TPTE: variants seen among roughly 807,000 people sequenced by gnomAD.
TPTE encodes transmembrane phosphatase with tensin homology.
In TPTE, 59 loss-of-function variants were observed where a neutral mutation model predicts 84.1. The observed-to-expected ratio is 0.70, with a 90% CI of 0.57 to 0.87. The LOEUF is 0.87. Ranked by LOEUF, TPTE falls within the 40% of genes least tolerant of loss-of-function variation. The pLI, the probability that TPTE is intolerant of heterozygous loss-of-function variation, is 0.00. For synonymous variants in TPTE, 130 were observed against 223.5 expected (o/e 0.58, Z 3.73); for missense variants, 382 against 659.6 (o/e 0.58, Z 4.61).
At chr21:10,599,397 A>G (rs1180033701) in intron 21 of TPTE, among the ~76,000 whole-genome samples, 1 of 151,552 alleles carries the variant, frequency 6.6e-6, no homozygotes, top group Admixed American at 6.5e-5. Context: ...ATTCTGAAAT[A>G]TTGCTCTCGT....
chr21:10,568,472 T>TC (rs1393752111), intron 11 of TPTE, among the ~76,000 whole-genome samples: 2 of 152,310 alleles, frequency 1.3e-5, no homozygotes, highest in Non-Finnish European at 2.9e-5. Flanking sequence ...GTGACTCTTT[T>TC]TTTACTGTGA....
chr21:10,555,780 G>A (rs2074670258), intron 8 of TPTE, among the ~76,000 whole-genome samples: 1 of 152,428 alleles, frequency 6.6e-6, no homozygotes, highest in Admixed American at 6.5e-5. Context: ...ATGCAAGTCA[G>A]AAGCCCATTT....
At chr21:10,605,001 C>T (rs1979101224) in intron 23 of TPTE, among the ~76,000 whole-genome samples, 1 of 152,310 alleles carries the variant, frequency 6.6e-6, no homozygotes, top group Admixed American at 6.5e-5. Flanking sequence ...GGAGTTATAT[C>T]CTACTGCTCA....
At chr21:10,544,673 CAG>C in intron 7 of TPTE, among the ~76,000 whole-genome samples, 2 of 152,426 alleles carry the variant, frequency 1.3e-5, no homozygotes, top group East Asian at 3.8e-4. Context: ...CATGAGCCAT[CAG>C]ATTGTATGGA....
At chr21:10,595,482 CAG>C (rs1290776852) in intron 19 of TPTE, among the ~76,000 whole-genome samples, 5 of 152,302 alleles carry the variant, frequency 3.3e-5, no homozygotes, top group Non-Finnish European at 5.9e-5. Flanking sequence ...CTTGGGAAAA[CAG>C]AATTGAGGAA....
At chr21:10,529,564 T>TA (rs2074140738) in intron 3 of TPTE, among the ~76,000 whole-genome samples, 1 of 152,308 alleles carries the variant, frequency 6.6e-6, no homozygotes. Flanking sequence ...CTTAGAATAT[T>TA]ACAACATCTT....
chr21:10,581,364 GCT>G (rs2075268227), intron 17 of TPTE, among the ~76,000 whole-genome samples: 1 of 152,310 alleles, frequency 6.6e-6, no homozygotes, highest in South Asian at 2.1e-4. Context: ...CTAATTCCTT[GCT>G]TGAAGGAAAA....
chr21:10,521,925 C>T (rs1172493955), intron 1 of TPTE, among the ~76,000 whole-genome samples: 1 of 152,256 alleles, frequency 6.6e-6, no homozygotes, highest in Non-Finnish European at 1.5e-5. Context: ...TCCCTCCGCC[C>T]TCCCCGTCCC....
chr21:10,538,590 T>G, intron 3 of TPTE, 91 bp from the exon 4 acceptor site: 2 of 1,580,986 alleles, frequency 1.3e-6, no homozygotes, highest in Non-Finnish European at 1.7e-6. Context: ...CTTAACTGGT[T>G]TATGTGCAGA....
intron 4 of TPTE, among the ~76,000 whole-genome samples, chr21:10,540,201 A>T (rs1424418854): frequency 6.6e-6 from 1 of 152,304 alleles, no homozygotes; most frequent in Non-Finnish European, 1.5e-5. Context: ...ACCATGTGAT[A>T]CCAAGGAATA....
At chr21:10,604,074 T>G (rs1458787691) in intron 23 of TPTE, among the ~76,000 whole-genome samples, 74 of 152,032 alleles carry the variant, frequency 4.9e-4, no homozygotes, top group African/African-American at 1.7e-3. Flanking sequence ...CTGACACACT[T>G]ATATCTAGGA....
chr21:10,605,273 C>T, intron 23 of TPTE, 144 bp from the exon 24 acceptor site: 1 of 1,133,010 alleles, frequency 8.8e-7, no homozygotes, highest in South Asian at 1.8e-5. Context: ...GTGGAAGGAG[C>T]CAACTGAGAC....
Position 10,557,105 on chromosome 21 carries a change from A to C in TPTE, c.234-2389A>C, listed in dbSNP as rs1170241210. Among the ~76,000 whole-genome samples, 15 of 152,416 alleles carry C rather than the reference A, an allele frequency of 9.8e-5. No homozygotes were observed. The East Asian group carries it at 2.9e-3, about 29-fold the overall frequency. On this transcript the variant is annotated intron_variant, in intron 8 of 23. Coordinates refer to ENST00000618007, the MANE Select transcript of TPTE (RefSeq NM_199261.4). ...GCCATTGCTTTTGTTCACCTGCTACATTTTTGTTCTTCATTTTGATTCATT... is the reference window on the plus strand; with the variant it reads ...GCCATTGCTTTTGTTCACCTGCTACCTTTTTGTTCTTCATTTTGATTCATT...
At chr21:10,556,869 G>C (rs1212843549) in intron 8 of TPTE, among the ~76,000 whole-genome samples, 1 of 152,300 alleles carries the variant, frequency 6.6e-6, no homozygotes, top group Non-Finnish European at 1.5e-5. Context: ...CATATCCTTT[G>C]CCCACTTTTT....
At chr21:10,553,432 G>T (rs893970529) in intron 8 of TPTE, among the ~76,000 whole-genome samples, 1 of 152,306 alleles carries the variant, frequency 6.6e-6, no homozygotes, top group South Asian at 2.1e-4. Flanking sequence ...AACAAAGAGG[G>T]CAAATAAAAA....
chr21:10,551,717 A>C (rs2074578882), intron 7 of TPTE, among the ~76,000 whole-genome samples: 2 of 152,268 alleles, frequency 1.3e-5, no homozygotes, highest in Admixed American at 6.5e-5. Flanking sequence ...TCAGAAACAA[A>C]AAAAAAGAGA....
chr21:10,528,281 C>T (rs2074115910), intron 3 of TPTE, among the ~76,000 whole-genome samples: 1 of 152,290 alleles, frequency 6.6e-6, no homozygotes. Context: ...AATGAATTGA[C>T]ATCAGAAATC....
At chr21:10,551,678 AG>A (rs1344563364) in intron 7 of TPTE, among the ~76,000 whole-genome samples, 1 of 152,286 alleles carries the variant, frequency 6.6e-6, no homozygotes, top group African/African-American at 2.4e-5. Flanking sequence ...AGACTAATTA[AG>A]AAAAAGGGAA....
intron 14 of TPTE, among the ~76,000 whole-genome samples, chr21:10,574,472 G>A (rs1459950229): frequency 3.9e-5 from 6 of 152,296 alleles, no homozygotes; most frequent in Non-Finnish European, 8.8e-5. Context: ...TAAGAACTAG[G>A]GCTAAAAAAG....
Sources: allele counts gnomAD v4.1 joint callset (sites outside exome capture counted in the v4.1 genomes callset), GRCh38; gene constraint gnomAD v4.1.1; transcripts MANE v1.5; gene names NCBI Gene and HGNC (gene_info 2026-07-23, HGNC 2026-07-21).